PCDHGB3: variants seen among roughly 807,000 people sequenced by gnomAD.
PCDHGB3 encodes the protein protocadherin gamma-B3.
PCDHGB3 carries 40 observed loss-of-function variants against 59.2 expected under a neutral mutation model. The observed-to-expected ratio is 0.68, with a 90% CI of 0.52 to 0.88. PCDHGB3 has a LOEUF of 0.88. Ranked by LOEUF, PCDHGB3 falls within the 40% of genes least tolerant of loss-of-function variation. The probability of loss-of-function intolerance (pLI) is 0.00; values close to 1 mark genes in which losing one functional copy is unlikely to be tolerated. For missense variants in PCDHGB3, 1,309 were observed against 1,187.9 expected (o/e 1.10, Z -1.50); for synonymous variants, 581 against 503.6 (o/e 1.15, Z -2.06).
In PCDHGB3 at chr5:141,403,683, A is replaced by G. The variant is rs757429628; in HGVS notation, c.2415+30874A>G. 2.5e-6 allele frequency: 4 copies of G among 1,613,804 alleles called. No individual in the cohort carries two copies. The highest frequency in any genetic ancestry group is 1.7e-6 in the Non-Finnish European group (2 of 1,179,888). ...AATGATAATGCCCCGGTTTTTGCTC[A>G]ACGGATTTACCGAGTTAAAGTCCTT... On this transcript the variant is annotated intron_variant, in intron 1 of 3. Transcript: ENST00000576222.
intron 1 of PCDHGB3, chr5:141,392,593 C>T (rs986653235): frequency 1.0e-5 from 5 of 494,076 alleles, no homozygotes; most frequent in Admixed American, 7.6e-5. Flanking sequence ...CCGCTGTTCA[C>T]CTACTGGAAG....
intron 1 of PCDHGB3, chr5:141,376,920 C>T (rs527270477): frequency 5.8e-6 from 1 of 173,470 alleles, no homozygotes; most frequent in Admixed American, 5.6e-5. Flanking sequence ...ATCTCCTGAC[C>T]TCATGATCCA....
chr5:141,394,204 A>G (rs749979763), intron 1 of PCDHGB3: 4 of 1,613,914 alleles, frequency 2.5e-6, no homozygotes, highest in Non-Finnish European at 3.4e-6. Context: ...ATCCTAGAGA[A>G]CAACCTGAGA....
chr5:141,371,078 C>T lies in PCDHGB3; in HGVS notation c.684C>T (p.Ile228=), dbSNP rs776361776. ...GEPSRSCTTQ[I]RVIVADANDN... is the part of the protein sequence containing the mutation. Reference sequence around the variant, plus strand: ...CCTCCAGAAGCTGTACCACCCAGATCAGGGTAATTGTCGCAGATGCAAATG... The same window carrying T: ...CCTCCAGAAGCTGTACCACCCAGATTAGGGTAATTGTCGCAGATGCAAATG... Residue 228 remains isoleucine (I), a synonymous_variant, in exon 1 of 4, where the codon ATC becomes ATT. Transcript: ENST00000576222. 1.9e-6 allele frequency: 3 copies of T among 1,613,770 alleles called. No homozygotes were observed. In the African/African-American group the frequency reaches 4.0e-5, roughly 22 times the overall value.
Position 141,491,410 on chromosome 5 carries a change from GA to G in PCDHGB3, c.2416-3396del. 1 of 1,614,142 alleles carries G rather than the reference GA, an allele frequency of 6.2e-7. No homozygotes were observed. The highest frequency in any genetic ancestry group is 8.5e-7 in the Non-Finnish European group (1 of 1,180,034). On this transcript the variant is annotated intron_variant, in intron 1 of 3. Coordinates refer to ENST00000576222, the MANE Select transcript of PCDHGB3 (RefSeq NM_018924.5). This position sits in a 1 kb window ranked among gnomAD's most constrained non-coding sequence, Gnocchi z 6.9. ...GTGCCTTCAGGGAAACGCAGACGGG[GA>G]CGGGGGTGGAGGGCAGTGCTGCAGG...
chr5:141,500,367 C>A (rs953610460), intron 2 of PCDHGB3, among the ~76,000 whole-genome samples: 7 of 151,940 alleles, frequency 4.6e-5, no homozygotes, highest in African/African-American at 1.7e-4. Context: ...CACTACCACG[C>A]CCGGCTAATT....
chr5:141,419,123 A>G (rs2096330317), intron 1 of PCDHGB3: 1 of 1,613,766 alleles, frequency 6.2e-7, no homozygotes, highest in African/African-American at 1.3e-5. Context: ...CAACGTCACC[A>G]TCGCAGCCAC....
Position 141,398,862 on chromosome 5 carries a change from C to G in PCDHGB3, c.2415+26053C>G, listed in dbSNP as rs771326288. On this transcript the variant is annotated intron_variant, in intron 1 of 3. Transcript: ENST00000576222. ...ATAATCCCCCGGTATTCAACCGAGA[C>G]GTGTACAGAGTCAGCCTTCGGGAAA... 4 of 1,613,848 alleles carry G rather than the reference C, an allele frequency of 2.5e-6. No individual in the cohort carries two copies. The African/African-American group carries it at 5.3e-5, about 22-fold the overall frequency.
chr5:141,430,617 C>G, intron 1 of PCDHGB3: 1 of 715,450 alleles, frequency 1.4e-6, no homozygotes, highest in South Asian at 3.9e-5. Context: ...AAGCAGATAG[C>G]TAGGAATGAA....
chr5:141,409,883 C>CGGGTGCTGTACCCAGCTCT, intron 1 of PCDHGB3: 1 of 1,612,988 alleles, frequency 6.2e-7, no homozygotes, highest in Non-Finnish European at 8.5e-7. Context: ...CAACGCACCG[C>CGGGTGCTGTACCCAGCTCT]GGGTGCTGTA....
In PCDHGB3 at chr5:141,413,305, G is replaced by A. The variant is rs780711139; in HGVS notation, c.2415+40496G>A. 1.5e-5 allele frequency: 25 copies of A among 1,613,870 alleles called. No individual in the cohort carries two copies. The South Asian group carries it at 2.0e-4, about 13-fold the overall frequency. ...CTCCTACTCAATTCCTGAGGAATTA[G>A]AGAAAGGCTCTTTCGTGGGCAACAT... is the stretch of plus-strand genomic sequence containing the variant. On this transcript the variant is annotated intron_variant, in intron 1 of 3. Transcript: ENST00000576222.
intron 1 of PCDHGB3, chr5:141,389,933 G>T: frequency 1.9e-6 from 3 of 1,614,068 alleles, no homozygotes; most frequent in Non-Finnish European, 2.5e-6. Context: ...CTGACCTCCA[G>T]GCTGAGCTGC....
intron 1 of PCDHGB3, among the ~76,000 whole-genome samples, chr5:141,446,891 C>T (rs1457416718): frequency 6.6e-6 from 1 of 152,152 alleles, no homozygotes; most frequent in South Asian, 2.1e-4. Context: ...GGGTTCATGG[C>T]TGAGCTACTT....
At position 141,501,290 on chromosome 5, in the gene PCDHGB3, TACACACACACAC is replaced by T. The variant is rs55762287; in HGVS notation, c.2475-4070_2475-4059del. Among the ~76,000 whole-genome samples, 15 of 136,248 alleles carry T rather than the reference TACACACACACAC, an allele frequency of 1.1e-4. No homozygotes were observed. The South Asian group carries it at 1.2e-3, about 11-fold the overall frequency. The allele number at this position is 136,248 out of a possible 152,430, so 89.4% of individuals were successfully genotyped here. A position where few individuals can be genotyped will look rare whatever the true frequency, so the allele number is the denominator to read the frequency against. ...GTCCAGTCTATGGGATATTCCCTTA[TACACACACACAC>T]ACACACACACACACACACACACACA... On this transcript the variant is annotated intron_variant, in intron 2 of 3. Transcript: ENST00000576222.
At chr5:141,406,177 A>G (rs929841923) in intron 1 of PCDHGB3, among the ~76,000 whole-genome samples, 2 of 151,308 alleles carry the variant, frequency 1.3e-5, no homozygotes. Flanking sequence ...GGCTTATGCA[A>G]TCCTCCCACC....
At chr5:141,482,234 A>G (rs11748256) in intron 1 of PCDHGB3, among the ~76,000 whole-genome samples, 44,758 of 152,044 alleles carry the variant, frequency 0.29, 7,110 homozygotes, top group African/African-American at 0.42. Context: ...GAAATTGCCA[A>G]TATAAGTATA....
At position 141,413,842 on chromosome 5, in the gene PCDHGB3, G is replaced by T. The variant is rs1181086477; in HGVS notation, c.2415+41033G>T. 6.2e-6 allele frequency: 10 copies of T among 1,613,176 alleles called. No homozygotes were observed. In the Admixed American group the frequency reaches 1.7e-4, roughly 27 times the overall value. The stretch of plus-strand genomic sequence containing the variant: ...GGTCCTCACCGCCTCCGACGGGGGT[G>T]ACCCTCTCCGATCTGGCACTGTCCT... On this transcript the variant is annotated intron_variant, in intron 1 of 3. Transcript: ENST00000576222.
At chr5:141,479,982 C>T (rs368461965) in intron 1 of PCDHGB3, among the ~76,000 whole-genome samples, 1 of 152,192 alleles carries the variant, frequency 6.6e-6, no homozygotes, top group South Asian at 2.1e-4. Flanking sequence ...CTACCATTTA[C>T]CAACTAGGAG....
rs1334650353 is a variant in PCDHGB3, at chr5:141,493,099, A to T, written c.2416-1708A>T. Among the ~76,000 whole-genome samples, 1 of 152,192 alleles carries T rather than the reference A, an allele frequency of 6.6e-6. No homozygotes were observed. Among genetic ancestry groups the T allele is most frequent in the East Asian group, 1.9e-4 (1 of 5,198 alleles). On this transcript the variant is annotated intron_variant, in intron 1 of 3. Coordinates refer to ENST00000576222, the MANE Select transcript of PCDHGB3 (RefSeq NM_018924.5). This position sits in a 1 kb window ranked among gnomAD's most constrained non-coding sequence, Gnocchi z 4.3. ...CTCCAGGAGCTTTTATTCAAAATAT[A>T]TCAATGCCTAACTCTGCTCCTAGGA... is the stretch of plus-strand genomic sequence containing the variant.
Sources: gnomAD v4.1 joint callset for allele counts (sites outside exome capture counted in the v4.1 genomes callset) on GRCh38, gnomAD v4.1.1 for gene constraint, Gnocchi (gnomAD v3.1) non-coding constraint, MANE v1.5 for transcripts, NCBI Gene and HGNC (gene_info 2026-07-23, HGNC 2026-07-21) for gene names.